RORA: variants seen among roughly 807,000 people sequenced by gnomAD.
The protein encoded by RORA is nuclear receptor ROR-alpha.
In RORA, 7 loss-of-function variants were observed where a neutral mutation model predicts 69.5. That is an observed-to-expected ratio of 0.10 (90% CI 0.06 to 0.19). RORA has a LOEUF of 0.19. Ranked by LOEUF, RORA falls within the 10% of genes least tolerant of loss-of-function variation. The pLI is 1.00. For missense variants in RORA, 457 were observed against 663.0 expected, an observed-to-expected ratio of 0.69 and a Z score of 3.41; for synonymous variants, 261 against 240.8, an observed-to-expected ratio of 1.08 and a Z score of -0.78.
intron 1 of RORA, among the ~76,000 whole-genome samples, chr15:61,020,405 G>A (rs988729197): frequency 7.9e-5 from 12 of 152,200 alleles, no homozygotes; most frequent in African/African-American, 2.7e-4. Context: ...GAAGAGCCAG[G>A]ATTCTAGTTC....
rs201373598 is a variant in RORA at position 60,999,950 on chromosome 15, CT to C, written c.166+229102del. On this transcript the variant is annotated intron_variant, in intron 1 of 10. Transcript: ENST00000335670. Reference sequence around the variant, plus strand: ...TTACAGACAAGAAATTAATCTGCCCCTTTCCCCCTCAAAAAAAGGCATCCTA... The same window carrying C: ...TTACAGACAAGAAATTAATCTGCCCCTTCCCCCTCAAAAAAAGGCATCCTA... Among the ~76,000 whole-genome samples the C allele has an allele frequency of 5.6e-3, 852 of 152,268 alleles. 10 individuals carry two copies. The highest frequency in any genetic ancestry group is 0.019 in the African/African-American group (803 of 41,546).
chr15:61,216,666 G>C (rs1424327942), intron 1 of RORA, among the ~76,000 whole-genome samples: 1 of 152,160 alleles, frequency 6.6e-6, no homozygotes. Context: ...AAGAATAGTG[G>C]GAGCAGGGAG....
intron 1 of RORA, among the ~76,000 whole-genome samples, chr15:61,054,219 G>A (rs915231513): frequency 2.0e-5 from 3 of 151,672 alleles, no homozygotes; most frequent in African/African-American, 7.3e-5. Context: ...TTACATGTAT[G>A]TAGTTTTTCC....
intron 1 of RORA, among the ~76,000 whole-genome samples, chr15:60,768,032 G>A (rs2140878555): frequency 6.6e-6 from 1 of 152,272 alleles, no homozygotes; most frequent in East Asian, 1.9e-4. Context: ...GAGTTTTCCT[G>A]GCTGAATCAC....
chr15:60,508,960 T>C (rs931175965), intron 5 of RORA, among the ~76,000 whole-genome samples: 2 of 152,208 alleles, frequency 1.3e-5, no homozygotes, highest in Admixed American at 6.5e-5. Flanking sequence ...CTAAAAGTAA[T>C]AGGTTGTGCA....
At chr15:61,039,195 C>T (rs761321130) in intron 1 of RORA, 3 of 152,060 alleles carry the variant, frequency 2.0e-5, no homozygotes, top group Non-Finnish European at 4.4e-5. Flanking sequence ...ATGACATTTT[C>T]GATAAGTTTA....
At chr15:60,994,416 A>T (rs1440463894) in intron 1 of RORA, among the ~76,000 whole-genome samples, 1 of 152,238 alleles carries the variant, frequency 6.6e-6, no homozygotes, top group Non-Finnish European at 1.5e-5. Flanking sequence ...TGTTTGTGTA[A>T]ATAACCAGAC....
rs187024816 is a variant in RORA at position 60,776,235 on chromosome 15, C to A, written c.167-97549G>T. Among the ~76,000 whole-genome samples the A allele has an allele frequency of 7.2e-5, 11 of 152,370 alleles. No homozygotes were observed. In the East Asian group the frequency reaches 2.1e-3, roughly 29 times the overall value. ...TCCTACTCCCTTTCTCTCCCCGCCA[C>A]TCTTATTAGACACACTTCAGACTGA... is the stretch of plus-strand genomic sequence containing the variant. On this transcript the variant is annotated intron_variant, in intron 1 of 10. Coordinates refer to ENST00000335670, the MANE Select transcript of RORA (RefSeq NM_134261.3).
chr15:60,814,026 T>C, intron 1 of RORA, among the ~76,000 whole-genome samples: 1 of 152,310 alleles, frequency 6.6e-6, no homozygotes, highest in Non-Finnish European at 1.5e-5. Flanking sequence ...CTACATATCA[T>C]AAAACAATCT....
At chr15:60,666,479 C>T (rs2070384028) in intron 2 of RORA, among the ~76,000 whole-genome samples, 1 of 151,592 alleles carries the variant, frequency 6.6e-6, no homozygotes, top group Non-Finnish European at 1.5e-5. Context: ...GCCACCACAC[C>T]CGGCCAAAAA....
At chr15:61,079,453 T>C in intron 1 of RORA, among the ~76,000 whole-genome samples, 1 of 152,192 alleles carries the variant, frequency 6.6e-6, no homozygotes, top group East Asian at 1.9e-4. Flanking sequence ...GCTCTCTCAC[T>C]CTTAACCAGT....
intron 1 of RORA, among the ~76,000 whole-genome samples, chr15:61,020,220 G>A (rs947163856): frequency 6.6e-6 from 1 of 152,138 alleles, no homozygotes; most frequent in African/African-American, 2.4e-5. Flanking sequence ...TCCACATTAA[G>A]TCAGCATCTC....
intron 2 of RORA, among the ~76,000 whole-genome samples, chr15:60,629,097 T>G (rs900659637): frequency 6.6e-6 from 1 of 151,776 alleles, no homozygotes; most frequent in South Asian, 2.1e-4. Flanking sequence ...CTACACTATC[T>G]AAGATAGGCT....
chr15:60,842,690 A>G (rs1595760149), intron 1 of RORA, among the ~76,000 whole-genome samples: 2 of 146,228 alleles, frequency 1.4e-5, no homozygotes, highest in South Asian at 4.6e-4. Context: ...CTGCTGTCAC[A>G]CCCCTCCCCC....
chr15:60,795,822 T>C (rs1485456166), intron 1 of RORA, among the ~76,000 whole-genome samples: 2 of 152,170 alleles, frequency 1.3e-5, no homozygotes, highest in Non-Finnish European at 2.9e-5. Flanking sequence ...TGTAAGGCAC[T>C]GCACCACCAT....
chr15:61,208,510 A>G (rs1260892718), intron 1 of RORA, among the ~76,000 whole-genome samples: 2 of 152,236 alleles, frequency 1.3e-5, no homozygotes, highest in Non-Finnish European at 2.9e-5. Context: ...ACTAAAAATT[A>G]TTGAATTGTA....
chr15:60,820,245 G>A (rs1277017501), intron 1 of RORA, among the ~76,000 whole-genome samples: 3 of 152,208 alleles, frequency 2.0e-5, no homozygotes, highest in Non-Finnish European at 4.4e-5. Flanking sequence ...TCTAGCACGT[G>A]TTTTGAAAGT....
intron 9 of RORA, 38 bp downstream of exon 9, chr15:60,500,921 A>G: frequency 8.2e-7 from 1 of 1,219,396 alleles, no homozygotes; most frequent in Non-Finnish European, 1.2e-6. Flanking sequence ...ATCTTAGACA[A>G]TTCGAAAACC....
Position 60,505,625 on chromosome 15 carries a change from G to A in RORA, c.825C>T (p.His275=), listed in dbSNP as rs1485694923. The A allele has an allele frequency of 1.2e-6, 2 of 1,613,680 alleles. No homozygotes were observed. Among genetic ancestry groups the A allele is most frequent in the Non-Finnish European group, 8.5e-7 (1 of 1,179,780 alleles). The change falls in exon 6 of 11, where the codon CAC becomes CAT. Residue 275 remains histidine (H), a synonymous_variant. Coordinates refer to ENST00000335670, the MANE Select transcript of RORA (RefSeq NM_134261.3). ...GCGATTTAGATATATTCTGTGCAAG[G>A]TGTTCTAAGGAGAAAACGGGAGATC... The part of the protein sequence containing the change: ...SPTVSMAELE[H]LAQNISKSHL...
Sources: allele counts gnomAD v4.1 joint callset (sites outside exome capture counted in the v4.1 genomes callset), GRCh38; gene constraint gnomAD v4.1.1; transcripts MANE v1.5; gene names NCBI Gene and HGNC (gene_info 2026-07-23, HGNC 2026-07-21).